Variants in TMTC1 observed in about 807,000 individuals in gnomAD.
TMTC1 encodes protein O-mannosyl-transferase TMTC1.
Under a neutral mutation model 104.8 loss-of-function variants are expected in TMTC1, and 73 were observed. That is an observed-to-expected ratio of 0.70 (90% CI 0.58 to 0.85). TMTC1 has a LOEUF of 0.85. Ranked by LOEUF, TMTC1 falls within the 40% of genes least tolerant of loss-of-function variation. The pLI is 0.00. For synonymous variants in TMTC1, 434 were observed against 428.7 expected (o/e 1.01, Z -0.15); for missense variants, 1,035 against 1,096.1 (o/e 0.94, Z 0.79).
intron 1 of TMTC1, among the ~76,000 whole-genome samples, chr12:29,776,620 C>G (rs894653987): frequency 6.6e-6 from 1 of 152,166 alleles, no homozygotes; most frequent in African/African-American, 2.4e-5. Context: ...TGAGTCCCTA[C>G]TTTGCAAGCC....
At chr12:29,644,421 T>C (rs1173121262) in intron 5 of TMTC1, among the ~76,000 whole-genome samples, 1 of 151,764 alleles carries the variant, frequency 6.6e-6, no homozygotes, top group Non-Finnish European at 1.5e-5. Flanking sequence ...TGTATACTGC[T>C]TGGATAATGG....
intron 9 of TMTC1, among the ~76,000 whole-genome samples, chr12:29,571,094 A>C (rs1945664154): frequency 6.6e-6 from 1 of 152,186 alleles, no homozygotes; most frequent in African/African-American, 2.4e-5. Flanking sequence ...TGGTAGACGT[A>C]CTTTAAGCAT....
At chr12:29,597,238 CTTTCT>C (rs1327420566) in intron 7 of TMTC1, among the ~76,000 whole-genome samples, 6 of 132,466 alleles carry the variant, frequency 4.5e-5, no homozygotes, top group Middle Eastern at 4.1e-3. Context: ...TCTTTCTTTT[CTTTCT>C]TTTTTTTTTT....
intron 5 of TMTC1, among the ~76,000 whole-genome samples, chr12:29,720,748 C>T (rs775939442): frequency 2.0e-5 from 3 of 151,910 alleles, no homozygotes; most frequent in Non-Finnish European, 4.4e-5. Context: ...AGTATTAAAA[C>T]AGACAATGGC....
At chr12:29,720,803 G>T (rs1942216972) in intron 5 of TMTC1, among the ~76,000 whole-genome samples, 1 of 152,028 alleles carries the variant, frequency 6.6e-6, no homozygotes, top group Admixed American at 6.6e-5. Flanking sequence ...ACAGGTTCAG[G>T]ATTCCTAACA....
At chr12:29,518,104 AG>A (rs1251153631) in intron 13 of TMTC1, among the ~76,000 whole-genome samples, 1 of 152,230 alleles carries the variant, frequency 6.6e-6, no homozygotes, top group African/African-American at 2.4e-5. Context: ...CTGAGCCCCA[AG>A]GGTCTTTCTC....
chr12:29,738,420 A>G (rs1942738840), intron 5 of TMTC1, among the ~76,000 whole-genome samples: 1 of 152,046 alleles, frequency 6.6e-6, no homozygotes, highest in South Asian at 2.1e-4. Context: ...TAAAACTAAG[A>G]GTCTGGCCAA....
At chr12:29,608,950 A>G (rs1488706673) in intron 6 of TMTC1, among the ~76,000 whole-genome samples, 1 of 152,086 alleles carries the variant, frequency 6.6e-6, no homozygotes, top group African/African-American at 2.4e-5. Flanking sequence ...AAAGACACGC[A>G]CACACACACT....
At chr12:29,655,298 A>T (rs761812090) in intron 5 of TMTC1, among the ~76,000 whole-genome samples, 3 of 152,200 alleles carry the variant, frequency 2.0e-5, no homozygotes, top group Non-Finnish European at 2.9e-5. Flanking sequence ...AGCTGAATTT[A>T]AAAAATTGGG....
At chr12:29,617,032 G>A (rs1200474684) in intron 6 of TMTC1, among the ~76,000 whole-genome samples, 5 of 152,006 alleles carry the variant, frequency 3.3e-5, no homozygotes, top group African/African-American at 7.3e-5. Context: ...TTATCTTACT[G>A]TTTACCACTA....
rs1555182980 is a variant in TMTC1, at chr12:29,656,339, T to TAC, written c.939-23005_939-23004dup. Among the ~76,000 whole-genome samples, 550 of 146,968 alleles carry TAC rather than the reference T, an allele frequency of 3.7e-3. 3 individuals are homozygous for TAC. The highest frequency in any genetic ancestry group is 0.012 in the African/African-American group (495 of 39,708). On this transcript the variant is annotated intron_variant, in intron 5 of 17. Transcript: ENST00000539277. Reference sequence around the variant, plus strand: ...CCCTGGATATATATATATATATATATACACACATACACATATACTTTTTTT... The same window carrying TAC: ...CCCTGGATATATATATATATATATATACACACACATACACATATACTTTTTTT...
chr12:29,711,865 A>G (rs7976612), intron 5 of TMTC1, among the ~76,000 whole-genome samples: 151,960 of 152,136 alleles, frequency 1, 75,892 homozygotes, highest in Middle Eastern at 1. Context: ...AAATTAGCCG[A>G]GCATGGTGGT....
chr12:29,700,971 T>G (rs2136796045), intron 5 of TMTC1, among the ~76,000 whole-genome samples: 1 of 152,248 alleles, frequency 6.6e-6, no homozygotes, highest in East Asian at 1.9e-4. Flanking sequence ...AGTTTGGGGG[T>G]TTGTTTTTCT....
intron 5 of TMTC1, among the ~76,000 whole-genome samples, chr12:29,705,683 G>C (rs552663965): frequency 6.6e-6 from 1 of 152,202 alleles, no homozygotes; most frequent in Non-Finnish European, 1.5e-5. Flanking sequence ...TCATTTCTCT[G>C]TGTTTCTCCT....
intron 13 of TMTC1, 152 bp downstream of exon 13, chr12:29,518,320 G>T: frequency 1.3e-6 from 1 of 753,584 alleles, no homozygotes; most frequent in Middle Eastern, 4.2e-4. Context: ...TTTATATTGT[G>T]GTTGCTTTCT....
In TMTC1 at chr12:29,506,815, TTATCCTATGAGGTTGGGTC is replaced by T. The variant is rs1237922479; in HGVS notation, c.*12_*30del. On this transcript the variant is annotated 3_prime_UTR_variant, in exon 18 of 18. Transcript: ENST00000539277. ...TCACTCCCCTTTCAGAGGCACCACA[TTATCCTATGAGGTTGGGTC>T]AGACGGTGGTGCTATGTTTGATCCT... 3 of 1,613,448 alleles carry T rather than the reference TTATCCTATGAGGTTGGGTC, an allele frequency of 1.9e-6. No individual in the cohort carries two copies. The highest frequency in any genetic ancestry group is 3.3e-5 in the Admixed American group (2 of 60,018).
At chr12:29,642,650 G>A (rs1394915503) in intron 5 of TMTC1, among the ~76,000 whole-genome samples, 1 of 152,056 alleles carries the variant, frequency 6.6e-6, no homozygotes, top group Non-Finnish European at 1.5e-5. Context: ...AATAGGCCAG[G>A]CGCAGTGGCT....
rs1051267056 is a variant in TMTC1, at chr12:29,505,196, T to G, written c.*1650A>C. ...ACCTTGACAAAACAAATAATAACAC[T>G]GGGGTAGTGCTTCCTGATACTGGGT... On this transcript the variant is annotated 3_prime_UTR_variant, in exon 18 of 18. Coordinates refer to ENST00000539277, the MANE Select transcript of TMTC1 (RefSeq NM_001193451.2). 6.6e-6 allele frequency: 1 copy of G among 152,162 alleles called. No individual in the cohort carries two copies. Among genetic ancestry groups the G allele is most frequent in the African/African-American group, 2.4e-5 (1 of 41,440 alleles). 9.4% of individuals were successfully genotyped at this position (152,162 alleles called of 1,614,324 possible).
chr12:29,647,656 T>C (rs758945555), intron 5 of TMTC1, among the ~76,000 whole-genome samples: 1 of 152,172 alleles, frequency 6.6e-6, no homozygotes, highest in Non-Finnish European at 1.5e-5. Context: ...ATTTCCTATC[T>C]TGATCTTTTC....
Sources: gnomAD v4.1 joint callset for allele counts (sites outside exome capture counted in the v4.1 genomes callset) on GRCh38, gnomAD v4.1.1 for gene constraint, MANE v1.5 for transcripts, NCBI Gene and HGNC (gene_info 2026-07-23, HGNC 2026-07-21) for gene names.